The following RLF variants were observed in gnomAD, a reference collection of about 807,000 sequenced individuals.
RLF encodes the protein RLF zinc finger.
In RLF, 7 loss-of-function variants were observed where a neutral mutation model predicts 162.9. That is an observed-to-expected ratio of 0.04 (90% CI 0.02 to 0.08). RLF has a LOEUF of 0.08. RLF is among the 10% of genes least tolerant of loss of function. RLF has a pLI of 1.00. For missense variants in RLF, 1,664 were observed against 2,244.7 expected (o/e 0.74, Z 5.23); for synonymous variants, 782 against 791.5 (o/e 0.99, Z 0.20).
intron 1 of RLF, among the ~76,000 whole-genome samples, chr1:40,187,252 G>C (rs533259950): frequency 6.6e-6 from 1 of 152,068 alleles, no homozygotes; most frequent in African/African-American, 2.4e-5. Context: ...GGATGGTCTC[G>C]ATCTCTTGAC....
chr1:40,227,584 A>G (rs1259500922), intron 6 of RLF, among the ~76,000 whole-genome samples: 1 of 152,138 alleles, frequency 6.6e-6, no homozygotes, highest in Non-Finnish European at 1.5e-5. Flanking sequence ...CTATGCAAAT[A>G]TTTTTACAAA....
intron 1 of RLF, among the ~76,000 whole-genome samples, chr1:40,187,885 G>A (rs1476060258): frequency 6.6e-6 from 1 of 152,152 alleles, no homozygotes; most frequent in Admixed American, 6.5e-5. Flanking sequence ...CAGGAAGTTA[G>A]GAATGTTTGA....
chr1:40,178,435 A>T (rs1411723398), intron 1 of RLF, among the ~76,000 whole-genome samples: 1 of 152,140 alleles, frequency 6.6e-6, no homozygotes, highest in African/African-American at 2.4e-5. Context: ...ATGAGTTCAG[A>T]GTTTCAGCTT....
At chr1:40,183,527 T>C (rs1642434212) in intron 1 of RLF, among the ~76,000 whole-genome samples, 1 of 152,192 alleles carries the variant, frequency 6.6e-6, no homozygotes, top group African/African-American at 2.4e-5. Flanking sequence ...ATGATGACCA[T>C]GACACAACTT....
At chr1:40,178,393 A>G (rs1642356110) in intron 1 of RLF, among the ~76,000 whole-genome samples, 1 of 152,242 alleles carries the variant, frequency 6.6e-6, no homozygotes, top group African/African-American at 2.4e-5. Flanking sequence ...GCCAAGGGCT[A>G]GAAGGAGGGG....
In RLF at chr1:40,238,786, T is replaced by C. The variant is rs141613303; in HGVS notation, c.4084T>C (p.Phe1362Leu). Residue 1362 changes from phenylalanine to leucine, a missense_variant, in exon 8 of 8, where the codon TTT becomes CTT. Around this residue, in one of 15 missense-constraint regions of RLF, gnomAD observed 200 missense variants for 207.3 expected, o/e 0.96. Coordinates refer to ENST00000372771, the MANE Select transcript of RLF (RefSeq NM_012421.4). The surrounding 1 kb of genome is among the most constrained non-coding windows in gnomAD (Gnocchi z 5.2). ...KRELVKCKKIFACKYKECNKR... is the reference protein window; with the variant it reads ...KRELVKCKKILACKYKECNKR... Reference sequence around the variant, plus strand: ...GGAACTTGTCAAATGTAAAAAGATATTTGCTTGCAAATATAAGGAATGTAA... The same window carrying C: ...GGAACTTGTCAAATGTAAAAAGATACTTGCTTGCAAATATAAGGAATGTAA... The C allele has an allele frequency of 1.6e-5, 25 of 1,612,816 alleles. No individual in the cohort carries two copies. Among genetic ancestry groups the C allele is most frequent in the East Asian group, 4.5e-5 (2 of 44,888 alleles).
chr1:40,204,135 C>T (rs1317912737), intron 5 of RLF, among the ~76,000 whole-genome samples: 9 of 151,402 alleles, frequency 5.9e-5, no homozygotes, highest in African/African-American at 2.2e-4. Flanking sequence ...CCTGCCTCAG[C>T]CTCCCGAGTA....
intron 1 of RLF, among the ~76,000 whole-genome samples, chr1:40,185,413 AG>A (rs1025446864): frequency 1.3e-4 from 19 of 142,120 alleles, no homozygotes; most frequent in Non-Finnish European, 2.4e-4. Context: ...TACAGGCGTG[AG>A]CCACCTTGCC....
chr1:40,218,784 A>G (rs1448558426), intron 5 of RLF, among the ~76,000 whole-genome samples: 2 of 152,162 alleles, frequency 1.3e-5, no homozygotes, highest in African/African-American at 4.8e-5. Flanking sequence ...ATTGATGTTC[A>G]TTCATGGGTC....
rs1411352130 is a variant in RLF, at chr1:40,169,564, C to T, written c.237+7928C>T. On this transcript the variant is annotated intron_variant, in intron 1 of 7. Transcript: ENST00000372771. ...CCGGGAGGCGGAGCTTGCAGTGAGCCGAGATTGCGCCACTGCAGTCCGCAG... is the reference window on the plus strand; with the variant it reads ...CCGGGAGGCGGAGCTTGCAGTGAGCTGAGATTGCGCCACTGCAGTCCGCAG... 5.2e-3 allele frequency among the ~76,000 whole-genome samples: 686 copies of T among 133,024 alleles called. 5 individuals are homozygous for T. The highest frequency in any genetic ancestry group is 0.019 in the African/African-American group (641 of 34,446). The allele number at this position is 133,024 out of a possible 152,430, so 87.3% of individuals were successfully genotyped here.
At chr1:40,191,837 A>G (rs1403973622) in intron 3 of RLF, among the ~76,000 whole-genome samples, 1 of 152,224 alleles carries the variant, frequency 6.6e-6, no homozygotes, top group Non-Finnish European at 1.5e-5. Context: ...CAAATTACAA[A>G]CCTTATAGTG....
At chr1:40,235,766 A>T (rs774707538) in intron 7 of RLF, 26 bp from the exon 8 acceptor site, 15 of 1,464,348 alleles carry the variant, frequency 1.0e-5, no homozygotes, top group South Asian at 1.5e-5. Context: ...CAAAAAAATA[A>T]TTTTTTTATC....
At chr1:40,235,745 C>A (rs1454791605) in intron 7 of RLF, 47 bp from the exon 8 acceptor site, 1 of 1,367,434 alleles carries the variant, frequency 7.3e-7, no homozygotes, top group Middle Eastern at 1.9e-4. Context: ...GTTATATAAT[C>A]TTTCTGTATG....
intron 1 of RLF, among the ~76,000 whole-genome samples, chr1:40,169,876 G>C (rs1356487171): frequency 6.6e-6 from 1 of 151,858 alleles, no homozygotes; most frequent in Non-Finnish European, 1.5e-5. Flanking sequence ...TTTTAGTAGA[G>C]ATGGGGCTTC....
chr1:40,201,219 C>G (rs1642715714), intron 4 of RLF, among the ~76,000 whole-genome samples: 1 of 151,738 alleles, frequency 6.6e-6, no homozygotes, highest in Admixed American at 6.6e-5. Context: ...GATTAACCAC[C>G]TAAAGCAGTT....
chr1:40,182,529 T>C (rs527483821), intron 1 of RLF, among the ~76,000 whole-genome samples: 1 of 152,330 alleles, frequency 6.6e-6, no homozygotes, highest in African/African-American at 2.4e-5. Context: ...TTATGGGTTA[T>C]TAAATTTTTA....
chr1:40,236,817 C>T lies in RLF; in HGVS notation c.2115C>T (p.His705=). ...AAAATAATGATGAAAATGCCAAGCA[C>T]TACTTGGATATGAAAAATAGAAGAG... ...EHQNNDENAK[H]YLDMKNRREK... The change falls in exon 8 of 8, where the codon CAC becomes CAT. Residue 705 remains histidine (H), a synonymous_variant. Coordinates refer to ENST00000372771, the MANE Select transcript of RLF (RefSeq NM_012421.4). The surrounding 1 kb of genome is among the most constrained non-coding windows in gnomAD (Gnocchi z 7.7). The T allele has an allele frequency of 6.2e-7, 1 of 1,614,070 alleles. No homozygotes were observed. Among genetic ancestry groups the T allele is most frequent in the Non-Finnish European group, 8.5e-7 (1 of 1,179,994 alleles).
At chr1:40,197,534 CT>C (rs1047829529) in intron 4 of RLF, among the ~76,000 whole-genome samples, 4 of 152,136 alleles carry the variant, frequency 2.6e-5, no homozygotes, top group Admixed American at 6.6e-5. Context: ...GTATTTTCCC[CT>C]GATATACTAA....
intron 1 of RLF, among the ~76,000 whole-genome samples, chr1:40,167,150 GAA>G (rs917289564): frequency 1.2e-4 from 18 of 152,226 alleles, no homozygotes; most frequent in African/African-American, 4.3e-4. Flanking sequence ...GATGGAGAGA[GAA>G]AATGAGAGGC....
Sources: allele counts gnomAD v4.1 joint callset (sites outside exome capture counted in the v4.1 genomes callset), GRCh38; gene constraint gnomAD v4.1.1; regional missense constraint gnomAD v4.1.1; non-coding constraint Gnocchi (gnomAD v3.1); transcripts MANE v1.5; gene names NCBI Gene and HGNC (gene_info 2026-07-23, HGNC 2026-07-21).